The following PLCB1 variants were observed in gnomAD, a reference collection of about 807,000 sequenced individuals.
PLCB1 encodes 1-phosphatidylinositol 4,5-bisphosphate phosphodiesterase beta-1.
A neutral mutation model predicts 161.8 loss-of-function variants in PLCB1; 46 were observed. The ratio of observed to expected loss-of-function variants is 0.28; its 90% confidence interval spans 0.22 to 0.36. PLCB1 has a LOEUF of 0.36. Among genes scored for constraint, PLCB1 ranks in the 10% least tolerant of loss-of-function variants. The pLI is 1.00. For synonymous variants in PLCB1, 517 were observed against 503.7 expected, an observed-to-expected ratio of 1.03 and a Z score of -0.35; for missense variants, 1,016 against 1,472.5, an observed-to-expected ratio of 0.69 and a Z score of 5.07.
intron 3 of PLCB1, among the ~76,000 whole-genome samples, chr20:8,574,472 A>C (rs1294243536): frequency 3.9e-5 from 6 of 152,226 alleles, no homozygotes; most frequent in East Asian, 3.8e-4. Context: ...ACAGAAAAAA[A>C]CAGAAATACT....
intron 31 of PLCB1, chr20:8,802,054 A>G: frequency 6.4e-7 from 1 of 1,569,474 alleles, no homozygotes; most frequent in Non-Finnish European, 8.8e-7. Context: ...TTTTCCACAC[A>G]GGGGGAAGGT....
intron 3 of PLCB1, among the ~76,000 whole-genome samples, chr20:8,486,481 ATT>A (rs71183092): frequency 0.42 from 35,656 of 84,300 alleles, 6,520 homozygotes; most frequent in East Asian, 0.56. Flanking sequence ...ATTCCAAAAT[ATT>A]TTTTTTTTTT....
intron 3 of PLCB1, among the ~76,000 whole-genome samples, chr20:8,588,796 C>A (rs1477229366): frequency 6.6e-6 from 1 of 152,148 alleles, no homozygotes; most frequent in African/African-American, 2.4e-5. Context: ...GGTGTGGCAG[C>A]CCAAGCAAAC....
At chr20:8,697,840 T>G (rs73080031) in intron 11 of PLCB1, 57 bp downstream of exon 11, 1 of 1,528,566 alleles carries the variant, frequency 6.5e-7, no homozygotes, top group Non-Finnish European at 9.0e-7. Flanking sequence ...TTCCTTTTGG[T>G]TAAAGCCTCC....
At position 8,781,397 on chromosome 20, in the gene PLCB1, AAC is replaced by A. The variant is rs765968512; in HGVS notation, c.3111+6696_3111+6697del. On this transcript the variant is annotated intron_variant, in intron 27 of 31. Transcript: ENST00000338037. Reference sequence around the variant, plus strand: ...TACCCCAGTGGGATTCACACACACAAACACACACACACACACACAAACACACA... The same window carrying A: ...TACCCCAGTGGGATTCACACACACAAACACACACACACACACAAACACACA... Among the ~76,000 whole-genome samples, 636 of 149,612 alleles carry A rather than the reference AAC, an allele frequency of 4.3e-3. 3 individuals carry two copies. The highest frequency in any genetic ancestry group is 0.015 in the African/African-American group (585 of 40,174).
chr20:8,568,435 T>A (rs151001311), intron 3 of PLCB1, among the ~76,000 whole-genome samples: 6 of 152,210 alleles, frequency 3.9e-5, no homozygotes, highest in Admixed American at 1.3e-4. Flanking sequence ...GAGAAAAAAA[T>A]TTGTACTTTT....
intron 3 of PLCB1, among the ~76,000 whole-genome samples, chr20:8,512,755 C>T (rs776554030): frequency 6.6e-5 from 10 of 151,942 alleles, no homozygotes; most frequent in Admixed American, 2.6e-4. Flanking sequence ...GGAGTAAATC[C>T]GACTAATATA....
At chr20:8,688,376 T>C (rs1990403626) in intron 10 of PLCB1, among the ~76,000 whole-genome samples, 1 of 152,214 alleles carries the variant, frequency 6.6e-6, no homozygotes, top group Non-Finnish European at 1.5e-5. Flanking sequence ...TTTTATGCAA[T>C]TGCTTTTACC....
At chr20:8,743,429 A>G (rs1410524420) in intron 23 of PLCB1, among the ~76,000 whole-genome samples, 3 of 152,142 alleles carry the variant, frequency 2.0e-5, no homozygotes, top group Non-Finnish European at 4.4e-5. Flanking sequence ...ATCATAGCTC[A>G]GTACCTTGTT....
intron 2 of PLCB1, chr20:8,305,584 A>G (rs992477414): frequency 6.6e-6 from 1 of 152,174 alleles, no homozygotes; most frequent in African/African-American, 2.4e-5. Context: ...TAAAGGCATG[A>G]TGAGTCCACT....
intron 2 of PLCB1, chr20:8,371,173 A>C: frequency 2.0e-6 from 1 of 511,016 alleles, no homozygotes. Context: ...TTTTGCTTTC[A>C]AAATGTATAA....
intron 9 of PLCB1, among the ~76,000 whole-genome samples, chr20:8,680,829 A>G (rs1301882210): frequency 6.6e-6 from 1 of 151,884 alleles, no homozygotes; most frequent in Non-Finnish European, 1.5e-5. Flanking sequence ...CTGTTAAAAT[A>G]TTTTATTCCA....
At chr20:8,160,433 T>C (rs1004766860) in intron 2 of PLCB1, among the ~76,000 whole-genome samples, 5 of 152,170 alleles carry the variant, frequency 3.3e-5, no homozygotes, top group African/African-American at 4.8e-5. Context: ...TACCCAAGAC[T>C]GGACAATTTA....
At chr20:8,394,832 A>G (rs1433328401) in intron 3 of PLCB1, among the ~76,000 whole-genome samples, 1 of 152,140 alleles carries the variant, frequency 6.6e-6, no homozygotes. Context: ...ATAGGCTTCT[A>G]TCTGGCAAAG....
chr20:8,365,662 G>T (rs1464669184), intron 2 of PLCB1, among the ~76,000 whole-genome samples: 1 of 152,140 alleles, frequency 6.6e-6, no homozygotes, highest in East Asian at 1.9e-4. Flanking sequence ...AAAAAATTGT[G>T]CATTTTAAGG....
At chr20:8,445,513 T>G (rs568506329) in intron 3 of PLCB1, among the ~76,000 whole-genome samples, 4 of 152,102 alleles carry the variant, frequency 2.6e-5, no homozygotes, top group Admixed American at 2.6e-4. Flanking sequence ...TGACTTAGGA[T>G]TGACTTGGCA....
At chr20:8,263,233 T>C (rs1427159594) in intron 2 of PLCB1, among the ~76,000 whole-genome samples, 3 of 152,156 alleles carry the variant, frequency 2.0e-5, no homozygotes, top group Non-Finnish European at 2.9e-5. Context: ...TAACTGTTGA[T>C]TATTAGCCTG....
chr20:8,421,717 G>A (rs1351571232), intron 3 of PLCB1, among the ~76,000 whole-genome samples: 1 of 152,140 alleles, frequency 6.6e-6, no homozygotes, highest in African/African-American at 2.4e-5. Context: ...ATCCAAGCCT[G>A]AATTTGTCTT....
chr20:8,418,055 C>T (rs1361565920), intron 3 of PLCB1, among the ~76,000 whole-genome samples: 2 of 152,204 alleles, frequency 1.3e-5, no homozygotes, highest in Non-Finnish European at 2.9e-5. Context: ...TGAAGATCAC[C>T]AGCATCTTCT....
Sources: allele counts gnomAD v4.1 joint callset (sites outside exome capture counted in the v4.1 genomes callset), GRCh38; gene constraint gnomAD v4.1.1; transcripts MANE v1.5; gene names NCBI Gene and HGNC (gene_info 2026-07-23, HGNC 2026-07-21).